The following HLCS variants were observed in gnomAD, a reference collection of about 807,000 sequenced individuals.
The protein encoded by HLCS is biotin--protein ligase.
Under a neutral mutation model 75.0 loss-of-function variants are expected in HLCS, and 53 were observed. That is an observed-to-expected ratio of 0.71 (90% CI 0.57 to 0.89). The LOEUF (loss-of-function observed/expected upper bound fraction) is 0.89. Ranked by LOEUF, HLCS falls within the 40% of genes least tolerant of loss-of-function variation. The pLI, the probability that HLCS is intolerant of heterozygous loss-of-function variation, is 0.00. For missense variants in HLCS, 966 were observed against 1,074.0 expected (o/e 0.90, Z 1.41); for synonymous variants, 431 against 428.6 (o/e 1.01, Z -0.07).
intron 5 of HLCS, among the ~76,000 whole-genome samples, chr21:36,917,683 A>G (rs548591146): frequency 5.1e-4 from 78 of 152,306 alleles, no homozygotes; most frequent in African/African-American, 1.8e-3. Context: ...AACAAAATTT[A>G]CTGGTTGTAG....
intron 6 of HLCS, among the ~76,000 whole-genome samples, chr21:36,782,188 A>G (rs1038095078): frequency 1.2e-4 from 19 of 152,134 alleles, no homozygotes; most frequent in African/African-American, 4.6e-4. Context: ...TGAATTTGAA[A>G]ATTTTCCTTC....
chr21:36,820,402 C>CA (rs2061800508), intron 6 of HLCS, among the ~76,000 whole-genome samples: 1 of 152,240 alleles, frequency 6.6e-6, no homozygotes, highest in Non-Finnish European at 1.5e-5. Flanking sequence ...CTCGCGCTGT[C>CA]AGAGGCCCCA....
intron 2 of HLCS, among the ~76,000 whole-genome samples, chr21:36,946,629 TG>T (rs1468944818): frequency 2.0e-5 from 3 of 150,612 alleles, no homozygotes; most frequent in East Asian, 1.9e-4. Flanking sequence ...AAAACAATCA[TG>T]AAAAAAAAAA....
intron 6 of HLCS, among the ~76,000 whole-genome samples, chr21:36,822,311 T>C (rs148790802): frequency 0.011 from 1,724 of 152,072 alleles, 43 homozygotes; most frequent in African/African-American, 0.04. Context: ...TCCCAGCTAC[T>C]TGGGAGGCTG....
intron 6 of HLCS, among the ~76,000 whole-genome samples, chr21:36,844,687 ACTAT>A (rs2062734307): frequency 1.3e-5 from 2 of 150,454 alleles, no homozygotes; most frequent in African/African-American, 4.9e-5. Flanking sequence ...ATGGAGAACG[ACTAT>A]CTTTTTTTTT....
chr21:36,966,640 G>A lies in HLCS; in HGVS notation c.-2C>T, dbSNP rs2068605796. 1.4e-5 allele frequency: 14 copies of A among 980,162 alleles called. No homozygotes were observed. The highest frequency in any genetic ancestry group is 1.7e-5 in the Non-Finnish European group (14 of 827,298). 60.7% of individuals were successfully genotyped at this position (980,162 alleles called of 1,614,324 possible). A position where few individuals can be genotyped will look rare whatever the true frequency, so the allele number is the denominator to read the frequency against. Reference sequence around the variant, plus strand: ...CAGGTAGCACAGCGTGATGAGCATGGCCGCGCCGCCGGCAGGGCGAGCCCG... The same window carrying A: ...CAGGTAGCACAGCGTGATGAGCATGACCGCGCCGCCGGCAGGGCGAGCCCG... On this transcript the variant is annotated 5_prime_UTR_variant, in exon 1 of 11. Coordinates refer to ENST00000674895, the MANE Select transcript of HLCS (RefSeq NM_001352514.2).
At chr21:36,922,641 C>G (rs145235957) in intron 5 of HLCS, among the ~76,000 whole-genome samples, 1 of 152,186 alleles carries the variant, frequency 6.6e-6, no homozygotes, top group Non-Finnish European at 1.5e-5. Context: ...CCTGCTTTCA[C>G]GAGGAAGCCC....
chr21:36,895,287 C>T (rs1361627453), intron 6 of HLCS, among the ~76,000 whole-genome samples: 11 of 152,090 alleles, frequency 7.2e-5, no homozygotes, highest in Non-Finnish European at 1.3e-4. Context: ...GCGAGTTACC[C>T]CTTCGATATA....
intron 6 of HLCS, among the ~76,000 whole-genome samples, chr21:36,871,857 G>C (rs186332482): frequency 1.3e-5 from 2 of 152,316 alleles, no homozygotes; most frequent in Admixed American, 1.3e-4. Context: ...AAGAATGCCA[G>C]CAGTGTAATA....
At chr21:36,924,386 C>T (rs1022172224) in intron 5 of HLCS, among the ~76,000 whole-genome samples, 24 of 152,120 alleles carry the variant, frequency 1.6e-4, no homozygotes, top group Non-Finnish European at 3.1e-4. Context: ...ATGGTGAAAC[C>T]CTGTCTCTAC....
chr21:36,830,082 A>C (rs1000883342), intron 6 of HLCS, among the ~76,000 whole-genome samples: 2 of 152,140 alleles, frequency 1.3e-5, no homozygotes, highest in East Asian at 1.9e-4. Flanking sequence ...TGTCCTTGTA[A>C]GAAGAGGACA....
At chr21:36,821,688 T>C (rs2061845898) in intron 6 of HLCS, among the ~76,000 whole-genome samples, 1 of 152,224 alleles carries the variant, frequency 6.6e-6, no homozygotes, top group African/African-American at 2.4e-5. Context: ...TTTAAGCATG[T>C]GTTTAAAGAC....
intron 6 of HLCS, among the ~76,000 whole-genome samples, chr21:36,894,569 T>C (rs1284033677): frequency 2.0e-5 from 3 of 152,200 alleles, no homozygotes; most frequent in Non-Finnish European, 4.4e-5. Flanking sequence ...GAAGGAACCC[T>C]GGGAACAGCG....
At chr21:36,985,072 TAAG>T (rs910287428) in intron 1 of HLCS, among the ~76,000 whole-genome samples, 2 of 152,200 alleles carry the variant, frequency 1.3e-5, no homozygotes, top group African/African-American at 4.8e-5. Context: ...CTGTATTTCC[TAAG>T]AACAAGAATA....
intron 6 of HLCS, among the ~76,000 whole-genome samples, chr21:36,893,832 A>AC (rs774383427): frequency 3.9e-5 from 6 of 152,226 alleles, no homozygotes; most frequent in Non-Finnish European, 7.3e-5. Context: ...CTGCACTAAA[A>AC]AATAATGTAT....
chr21:36,974,626 G>A (rs2068887527), intron 1 of HLCS: 2 of 152,110 alleles, frequency 1.3e-5, no homozygotes, highest in African/African-American at 2.4e-5. Flanking sequence ...ATCCTTATAA[G>A]GATAAAATAG....
intron 2 of HLCS, 96 bp from the exon 3 acceptor site, chr21:36,939,090 C>T: frequency 1.8e-6 from 2 of 1,110,600 alleles, no homozygotes; most frequent in South Asian, 1.5e-5. Flanking sequence ...CTTGAGGCTC[C>T]TACCACTAAA....
chr21:36,982,198 GCTAT>G (rs1368104108), intron 1 of HLCS, among the ~76,000 whole-genome samples: 3 of 152,090 alleles, frequency 2.0e-5, no homozygotes, highest in African/African-American at 7.2e-5. Context: ...CATGTTCACT[GCTAT>G]CTAATATTCT....
intron 1 of HLCS, among the ~76,000 whole-genome samples, chr21:36,985,550 G>A (rs1041928774): frequency 2.0e-5 from 3 of 152,116 alleles, no homozygotes; most frequent in Non-Finnish European, 4.4e-5. Context: ...GGCAGATCAC[G>A]AGATCAAGAG....
Sources: allele counts gnomAD v4.1 joint callset (sites outside exome capture counted in the v4.1 genomes callset), GRCh38; gene constraint gnomAD v4.1.1; transcripts MANE v1.5; gene names NCBI Gene and HGNC (gene_info 2026-07-23, HGNC 2026-07-21).